Variants in PFKL observed in about 807,000 individuals in gnomAD.
PFKL encodes the protein phosphofructokinase, liver type.
A neutral mutation model predicts 92.1 loss-of-function variants in PFKL; 74 were observed. That is an observed-to-expected ratio of 0.80 (90% CI 0.67 to 0.97). The LOEUF (loss-of-function observed/expected upper bound fraction) is 0.97. Ranked by LOEUF, PFKL falls within the 50% of genes least tolerant of loss-of-function variation. The pLI is 0.00. For synonymous variants in PFKL, 494 were observed against 456.4 expected, an observed-to-expected ratio of 1.08 and a Z score of -1.05; for missense variants, 1,028 against 1,116.6, an observed-to-expected ratio of 0.92 and a Z score of 1.13.
intron 7 of PFKL, chr21:44,316,017 A>C: frequency 1.8e-6 from 1 of 563,620 alleles, no homozygotes. Context: ...GCTTTCGGGC[A>C]GAGCCCTCTT....
chr21:44,301,896 G>A (rs1485412999), intron 1 of PFKL, among the ~76,000 whole-genome samples: 1 of 152,092 alleles, frequency 6.6e-6, no homozygotes, highest in African/African-American at 2.4e-5. Flanking sequence ...CCCATGCACA[G>A]ACTAAACAGA....
chr21:44,326,420 A>G (rs2047511564), intron 21 of PFKL, among the ~76,000 whole-genome samples, 156 bp downstream of exon 21: 1 of 152,090 alleles, frequency 6.6e-6, no homozygotes, highest in Non-Finnish European at 1.5e-5. Flanking sequence ...CGTGGAGAGC[A>G]GGGACCATGC....
chr21:44,324,767 C>G (rs1259032027), intron 17 of PFKL, 89 bp from the exon 18 acceptor site: 2 of 1,574,710 alleles, frequency 1.3e-6, no homozygotes, highest in Non-Finnish European at 1.7e-6. Context: ...GACGCGTAGC[C>G]CAGTGCTCCT....
chr21:44,303,502 AC>A (rs1049451816), intron 1 of PFKL, among the ~76,000 whole-genome samples: 1 of 147,324 alleles, frequency 6.8e-6, no homozygotes, highest in Non-Finnish European at 1.5e-5. Flanking sequence ...TGGCCTGGGC[AC>A]TTTTAATTCT....
In PFKL at chr21:44,324,556, G is replaced by A; in HGVS notation, c.1716G>A (p.Met572Ile). 6.2e-7 allele frequency: 1 copy of A among 1,613,458 alleles called. No homozygotes were observed. The highest frequency in any genetic ancestry group is 8.5e-7 in the Non-Finnish European group (1 of 1,179,874). The change falls in exon 17 of 22, where the codon ATG becomes ATA. Residue 572 changes from methionine to isoleucine, a missense_variant. Transcript: ENST00000349048. ...GCCGTGTGTTCATCGTGGAGACCAT[G>A]GGGGGTTACTGTGGCTACCTGGCCA... ...TKRRVFIVET[M>I]GGYCGYLATV... is the part of the protein sequence containing the mutation.
chr21:44,312,380 G>A (rs572996236), intron 4 of PFKL, 86 bp downstream of exon 4: 160 of 1,277,654 alleles, frequency 1.3e-4, no homozygotes, highest in Middle Eastern at 2.6e-4. Context: ...ACAGAGGGAC[G>A]AGGGATCCCT....
chr21:44,318,304 G>A (rs528710834), intron 9 of PFKL, among the ~76,000 whole-genome samples, 166 bp from the exon 10 acceptor site: 1 of 152,232 alleles, frequency 6.6e-6, no homozygotes. Flanking sequence ...GTGTGCCGTC[G>A]TGAATGCTGG....
In PFKL at chr21:44,312,209, C is replaced by T. The variant is rs757521755; in HGVS notation, c.342C>T (p.Cys114=). The change falls in exon 4 of 22, where the codon TGC becomes TGT. Residue 114 remains cysteine (C), a synonymous_variant. Coordinates refer to ENST00000349048, the MANE Select transcript of PFKL (RefSeq NM_002626.6). ...NLVQHGITNL[C]VIGGDGSLTG... ...TCCAGCACGGCATCACCAACCTGTGCGTCATCGGCGGGGATGGCAGCCTCA... is the reference window on the plus strand; with the variant it reads ...TCCAGCACGGCATCACCAACCTGTGTGTCATCGGCGGGGATGGCAGCCTCA... 5.6e-6 allele frequency: 9 copies of T among 1,606,116 alleles called. No homozygotes were observed. Among genetic ancestry groups the T allele is most frequent in the African/African-American group, 4.0e-5 (3 of 74,618 alleles).
At chr21:44,304,137 G>A in intron 1 of PFKL, 2 of 1,192,438 alleles carry the variant, frequency 1.7e-6, no homozygotes, top group Non-Finnish European at 2.2e-6. Flanking sequence ...CAAGGGCTCA[G>A]CACAAAGCTG....
intron 16 of PFKL, 196 bp from the exon 17 acceptor site, chr21:44,324,295 G>A (rs1464884409): frequency 1.6e-6 from 1 of 613,802 alleles, no homozygotes; most frequent in Admixed American, 3.0e-5. Context: ...TGGGGGGTGG[G>A]GTCGCCTGGT....
At position 44,323,829 on chromosome 21, in the gene PFKL, ATG is replaced by A; in HGVS notation, c.1567_1568del (p.Val523HisfsTer30). On this transcript the variant is annotated frameshift_variant, in exon 16 of 22. Coordinates refer to ENST00000349048, the MANE Select transcript of PFKL (RefSeq NM_002626.6). LOFTEE classifies it high-confidence loss of function. ...RGRYEELCIV[M>X]CVIPATISNN... ...GCGCTACGAGGAGCTCTGCATCGTC[ATG>A]TGTGTCATCCCAGCCACCATCAGCA... is the stretch of plus-strand genomic sequence containing the variant. 6.2e-7 allele frequency: 1 copy of A among 1,613,288 alleles called. No homozygotes were observed.
intron 2 of PFKL, among the ~76,000 whole-genome samples, chr21:44,308,182 G>A (rs1274528289): frequency 4.6e-5 from 7 of 152,200 alleles, no homozygotes; most frequent in Non-Finnish European, 8.8e-5. Context: ...CCTGAGGGCT[G>A]TGAGGGGCAT....
chr21:44,323,134 C>T (rs1186225201), intron 15 of PFKL, 85 bp downstream of exon 15: 9 of 1,165,242 alleles, frequency 7.7e-6, no homozygotes, highest in East Asian at 4.8e-5. Flanking sequence ...CCTGAAAACC[C>T]GTGTGCTGGC....
At chr21:44,325,008 C>T in intron 18 of PFKL, 91 bp downstream of exon 18, 1 of 1,312,558 alleles carries the variant, frequency 7.6e-7, no homozygotes, top group Non-Finnish European at 1.1e-6. Context: ...CAGGAGAAGG[C>T]AGGAGGGGTC....
At chr21:44,323,263 G>A (rs1201151562) in intron 15 of PFKL, among the ~76,000 whole-genome samples, 1 of 152,192 alleles carries the variant, frequency 6.6e-6, no homozygotes, top group Non-Finnish European at 1.5e-5. Flanking sequence ...TTTAAGTGCT[G>A]TGTGTGGGCT....
At position 44,321,743 on chromosome 21, in the gene PFKL, G is replaced by A; in HGVS notation, c.1206G>A (p.Leu402=). The part of the protein sequence containing the change: ...KPPKEKSNFS[L]AILNVGAPAA... ...TCTCTCTGAAGTCTAACTTCTCCCTGGCCATCCTGAATGTGGGGGCCCCGG... is the reference window on the plus strand; with the variant it reads ...TCTCTCTGAAGTCTAACTTCTCCCTAGCCATCCTGAATGTGGGGGCCCCGG... The change falls in exon 13 of 22, where the codon CTG becomes CTA. Residue 402 remains leucine, a synonymous_variant. Transcript: ENST00000349048. The A allele has an allele frequency of 6.3e-7, 1 of 1,579,416 alleles. No individual in the cohort carries two copies. Among genetic ancestry groups the A allele is most frequent in the Non-Finnish European group, 8.6e-7 (1 of 1,164,318 alleles).
At chr21:44,325,323 C>G (rs903360498) in intron 19 of PFKL, 59 bp downstream of exon 19, 1 of 1,232,242 alleles carries the variant, frequency 8.1e-7, no homozygotes, top group African/African-American at 1.5e-5. Context: ...ACCATCTGTC[C>G]CCGGCCCCAG....
At chr21:44,321,476 T>C (rs2298692) in intron 12 of PFKL, 244,077 of 288,352 alleles carry the variant, frequency 0.85, 102,234 homozygotes, top group African/African-American at 0.94. Flanking sequence ...TGCTCGCCCC[T>C]TCTGCCTCCT....
rs930020223 is a variant in PFKL, at chr21:44,313,005, C to T, written c.455C>T (p.Thr152Ile). The T allele has an allele frequency of 6.2e-7, 1 of 1,613,076 alleles. No homozygotes were observed. Among genetic ancestry groups the T allele is most frequent in the Non-Finnish European group, 8.5e-7 (1 of 1,179,914 alleles). The stretch of plus-strand genomic sequence containing the variant: ...AAGATCTCAGAGACTACAGCCCGGA[C>T]CTACTCGCACCTGAACATCGCGGGC... ...EGKISETTARTYSHLNIAGLV... is the reference protein window; with the variant it reads ...EGKISETTARIYSHLNIAGLV... Residue 152 changes from threonine (T) to isoleucine (I), a missense_variant, in exon 5 of 22, where the codon ACC becomes ATC. Thr to Ile is a moderately conservative substitution (Grantham distance 89). Transcript: ENST00000349048.
Sources: gnomAD v4.1 joint callset for allele counts (sites outside exome capture counted in the v4.1 genomes callset) on GRCh38, gnomAD v4.1.1 for gene constraint, MANE v1.5 for transcripts, NCBI Gene and HGNC (gene_info 2026-07-23, HGNC 2026-07-21) for gene names.